Variants in H1-0 observed in about 807,000 individuals in gnomAD.
H1-0 encodes the protein H1.0 linker histone, also known as histone H1.0.
H1-0 carries 5 observed loss-of-function variants against 8.8 expected under a neutral mutation model. The ratio of observed to expected loss-of-function variants is 0.57; its 90% CI spans 0.30 to 1.19. The LOEUF (loss-of-function observed/expected upper bound fraction) is 1.19. H1-0 is among the 50% of genes most tolerant of loss of function. The probability of loss-of-function intolerance (pLI) is 0.08; values close to 1 mark genes in which losing one functional copy is unlikely to be tolerated. For synonymous variants in H1-0, 143 were observed against 101.4 expected (o/e 1.41, Z -2.46); for missense variants, 231 against 242.0 (o/e 0.95, Z 0.30).
In H1-0 at chr22:37,806,950, A is replaced by G. The variant is rs1336576505; in HGVS notation, c.*821A>G. On this transcript the variant is annotated 3_prime_UTR_variant, in exon 1 of 1. Coordinates refer to ENST00000340857, the MANE Select transcript of H1-0 (RefSeq NM_005318.4). ...GTTGAAACTTAGGTTTTTCCACGCA[A>G]TCGATGGATTGTGTCCTAGGAAGAC... is the stretch of plus-strand genomic sequence containing the variant. 6.0e-6 allele frequency: 1 copy of G among 167,032 alleles called. No homozygotes were observed. The highest frequency in any genetic ancestry group is 2.4e-5 in the African/African-American group (1 of 41,432). 10.3% of individuals were successfully genotyped at this position (167,032 alleles called of 1,614,324 possible).
Position 37,806,371 on chromosome 22 carries a change from A to C in H1-0, c.*242A>C. The C allele has an allele frequency of 1.2e-5, 6 of 501,446 alleles. No individual in the cohort carries two copies. The highest frequency in any genetic ancestry group is 3.5e-5 in the East Asian group (1 of 28,392). The allele number at this position is 501,446 out of a possible 1,614,324, so 31.1% of individuals were successfully genotyped here. Reference sequence around the variant, plus strand: ...GTACTTATATTTTGTTTTGCTATTAACCTACTTACGGGGTTAGGGATTTGC... The same window carrying C: ...GTACTTATATTTTGTTTTGCTATTACCCTACTTACGGGGTTAGGGATTTGC... On this transcript the variant is annotated 3_prime_UTR_variant, in exon 1 of 1. Transcript: ENST00000340857.
rs1920976799 is a variant in H1-0 at position 37,805,409 on chromosome 22, A to G, written c.-136A>G. The G allele has an allele frequency of 6.4e-6, 4 of 623,554 alleles. No individual in the cohort carries two copies. Among genetic ancestry groups the G allele is most frequent in the South Asian group, 2.0e-5 (1 of 49,104 alleles). 38.6% of individuals were successfully genotyped at this position (623,554 alleles called of 1,614,324 possible). A position where few individuals can be genotyped will look rare whatever the true frequency, so the allele number is the denominator to read the frequency against. ...GGAAAAGCAGCGACTCCTCGCTCGC[A>G]TCCCCGGGAGCCGCACTCCAGACTG... On this transcript the variant is annotated 5_prime_UTR_variant, in exon 1 of 1. Coordinates refer to ENST00000340857, the MANE Select transcript of H1-0 (RefSeq NM_005318.4).
Position 37,805,854 on chromosome 22 carries a change from T to G in H1-0, c.310T>G (p.Ser104Ala). The G allele has an allele frequency of 1.9e-6, 3 of 1,613,714 alleles. No homozygotes were observed. The highest frequency in any genetic ancestry group is 2.5e-6 in the Non-Finnish European group (3 of 1,179,988). The change falls in exon 1 of 1, where the codon TCA (serine) becomes GCA (alanine). Residue 104 changes from serine (S) to alanine (A), a missense_variant. By Grantham distance (99) the Ser-to-Ala change is moderately conservative. Coordinates refer to ENST00000340857, the MANE Select transcript of H1-0 (RefSeq NM_005318.4). ...RLAKSDEPKK[S>A]VAFKKTKKEI... ...AGCCAAGAGCGACGAACCCAAGAAG[T>G]CAGTGGCCTTCAAGAAGACCAAGAA...
chr22:37,806,947 G>T lies in H1-0; in HGVS notation c.*818G>T, dbSNP rs1921020043. Reference sequence around the variant, plus strand: ...CCTGTTGAAACTTAGGTTTTTCCACGCAATCGATGGATTGTGTCCTAGGAA... The same window carrying T: ...CCTGTTGAAACTTAGGTTTTTCCACTCAATCGATGGATTGTGTCCTAGGAA... On this transcript the variant is annotated 3_prime_UTR_variant, in exon 1 of 1. Coordinates refer to ENST00000340857, the MANE Select transcript of H1-0 (RefSeq NM_005318.4). 6.0e-6 allele frequency: 1 copy of T among 167,072 alleles called. No individual in the cohort carries two copies. The highest frequency in any genetic ancestry group is 2.4e-5 in the African/African-American group (1 of 41,422). The allele number at this position is 167,072 out of a possible 1,614,324, so 10.3% of individuals were successfully genotyped here.
chr22:37,805,348 C>T lies in H1-0; in HGVS notation c.-197C>T. 5 of 550,522 alleles carry T rather than the reference C, an allele frequency of 9.1e-6. No homozygotes were observed. Among genetic ancestry groups the T allele is most frequent in the Non-Finnish European group, 1.6e-5 (5 of 311,898 alleles). The allele number at this position is 550,522 out of a possible 1,614,324, so 34.1% of individuals were successfully genotyped here. A position where few individuals can be genotyped will look rare whatever the true frequency, so the allele number is the denominator to read the frequency against. ...CCGGCGGGGCTGGGCCTCGCAAAGC[C>T]GGCTCGGCGAGCTCTCCCGACACCC... On this transcript the variant is annotated 5_prime_UTR_variant, in exon 1 of 1. Coordinates refer to ENST00000340857, the MANE Select transcript of H1-0 (RefSeq NM_005318.4).
In H1-0 at chr22:37,806,944, C is replaced by T. The variant is rs1466357405; in HGVS notation, c.*815C>T. On this transcript the variant is annotated 3_prime_UTR_variant, in exon 1 of 1. Coordinates refer to ENST00000340857, the MANE Select transcript of H1-0 (RefSeq NM_005318.4). ...TGCCCTGTTGAAACTTAGGTTTTTC[C>T]ACGCAATCGATGGATTGTGTCCTAG... 1 of 167,048 alleles carries T rather than the reference C, an allele frequency of 6.0e-6. No individual in the cohort carries two copies. Among genetic ancestry groups the T allele is most frequent in the Non-Finnish European group, 1.5e-5 (1 of 68,106 alleles). The allele number at this position is 167,048 out of a possible 1,614,324, so 10.3% of individuals were successfully genotyped here. A position where few individuals can be genotyped will look rare whatever the true frequency, so the allele number is the denominator to read the frequency against.
Position 37,805,758 on chromosome 22 carries a change from A to C in H1-0, c.214A>C (p.Ile72Leu), listed in dbSNP as rs1171521150. The C allele has an allele frequency of 4.3e-6, 7 of 1,613,960 alleles. No individual in the cohort carries two copies. The highest frequency in any genetic ancestry group is 5.9e-6 in the Non-Finnish European group (7 of 1,180,000). ...CGCTGACTCGCAGATCAAGTTGTCC[A>C]TCAAGCGCCTGGTCACCACCGGTGT... The part of the protein sequence containing the change: ...ENADSQIKLS[I>L]KRLVTTGVLK... The change falls in exon 1 of 1, where the codon ATC (isoleucine) becomes CTC (leucine). Residue 72 changes from isoleucine (I) to leucine (L), a missense_variant. Transcript: ENST00000340857.
rs1256065764 is a variant in H1-0 at position 37,805,591 on chromosome 22, C to G, written c.47C>G (p.Ala16Gly). ...TSAPAAKPKR[A>G]KASKKSTDHP... is the part of the protein sequence containing the mutation. ...GCCCCTGCGGCCAAGCCCAAGCGGG[C>G]CAAGGCCTCCAAGAAGTCCACAGAC... is the stretch of plus-strand genomic sequence containing the variant. The change falls in exon 1 of 1, where the codon GCC becomes GGC. Residue 16 changes from alanine to glycine, a missense_variant. Physicochemically the swap from Ala to Gly is moderately conservative, Grantham distance 60. Transcript: ENST00000340857. 1 of 1,613,978 alleles carries G rather than the reference C, an allele frequency of 6.2e-7. No homozygotes were observed. The highest frequency in any genetic ancestry group is 8.5e-7 in the Non-Finnish European group (1 of 1,179,988).
In H1-0 at chr22:37,806,108, G is replaced by A. The variant is rs1484902664; in HGVS notation, c.564G>A (p.Lys188=). 3 of 1,609,880 alleles carry A rather than the reference G, an allele frequency of 1.9e-6. No homozygotes were observed. Among genetic ancestry groups the A allele is most frequent in the Non-Finnish European group, 2.5e-6 (3 of 1,177,892 alleles). Residue 188 remains lysine (K), a synonymous_variant, in exon 1 of 1, where the codon AAG becomes AAA. Coordinates refer to ENST00000340857, the MANE Select transcript of H1-0 (RefSeq NM_005318.4). ...AACCCAAAGCAAAGTCCAGTGCCAAGAGGGCCGGCAAGAAGAAGTGACAAT... is the reference window on the plus strand; with the variant it reads ...AACCCAAAGCAAAGTCCAGTGCCAAAAGGGCCGGCAAGAAGAAGTGACAAT... ...PVKPKAKSSA[K]RAGKKK
chr22:37,805,493 G>A lies in H1-0; in HGVS notation c.-52G>A, dbSNP rs921632869. On this transcript the variant is annotated 5_prime_UTR_variant, in exon 1 of 1. Transcript: ENST00000340857. ...AGGCAGGCTTTGCTCAGCCTCCGAC[G>A]AGGGCTGGCCCTTTGGAAGGCGCCT... 2.5e-5 allele frequency: 34 copies of A among 1,377,698 alleles called. No homozygotes were observed. The highest frequency in any genetic ancestry group is 1.8e-4 in the Middle Eastern group (1 of 5,492). 85.3% of individuals were successfully genotyped at this position (1,377,698 alleles called of 1,614,324 possible).
Position 37,805,325 on chromosome 22 carries a change from G to C in H1-0, c.-220G>C. 1.9e-6 allele frequency: 1 copy of C among 537,020 alleles called. No homozygotes were observed. Among genetic ancestry groups the C allele is most frequent in the Admixed American group, 3.5e-5 (1 of 28,612 alleles). 33.3% of individuals were successfully genotyped at this position (537,020 alleles called of 1,614,324 possible). Reference sequence around the variant, plus strand: ...CGGTGCCGAGACCAAGCGACAGACCGGCGGGGCTGGGCCTCGCAAAGCCGG... The same window carrying C: ...CGGTGCCGAGACCAAGCGACAGACCCGCGGGGCTGGGCCTCGCAAAGCCGG... On this transcript the variant is annotated 5_prime_UTR_variant, in exon 1 of 1. Transcript: ENST00000340857.
chr22:37,806,102 T>G lies in H1-0; in HGVS notation c.558T>G (p.Ser186Arg). The G allele has an allele frequency of 6.2e-7, 1 of 1,611,156 alleles. No homozygotes were observed. Among genetic ancestry groups the G allele is most frequent in the Non-Finnish European group, 8.5e-7 (1 of 1,178,456 alleles). Residue 186 changes from serine (S) to arginine (R), a missense_variant, in exon 1 of 1, where the codon AGT (serine) becomes AGG (arginine). Transcript: ENST00000340857. ...AKPVKPKAKS[S>R]AKRAGKKK ...CAGTGAAACCCAAAGCAAAGTCCAG[T>G]GCCAAGAGGGCCGGCAAGAAGAAGT... is the stretch of plus-strand genomic sequence containing the variant.
rs961683640 is a variant in H1-0, at chr22:37,807,114, G to C, written c.*985G>C. The C allele has an allele frequency of 6.0e-6, 1 of 166,950 alleles. No homozygotes were observed. Among genetic ancestry groups the C allele is most frequent in the African/African-American group, 2.4e-5 (1 of 41,406 alleles). 10.3% of individuals were successfully genotyped at this position (166,950 alleles called of 1,614,324 possible). A position where few individuals can be genotyped will look rare whatever the true frequency, so the allele number is the denominator to read the frequency against. On this transcript the variant is annotated 3_prime_UTR_variant, in exon 1 of 1. Transcript: ENST00000340857. Reference sequence around the variant, plus strand: ...GTAGTTGTAGCTGCGGGAGGGGGAGGGGGAGTGGGCGGGCAGTGGATAGTA... The same window carrying C: ...GTAGTTGTAGCTGCGGGAGGGGGAGCGGGAGTGGGCGGGCAGTGGATAGTA...
In H1-0 at chr22:37,806,647, G is replaced by A. The variant is rs1464943755; in HGVS notation, c.*518G>A. ...CAAAGGAAGGAGGGGGAAAAAAACC[G>A]CCACCGGGCTGACTTCCACCTCCCA... On this transcript the variant is annotated 3_prime_UTR_variant, in exon 1 of 1. Coordinates refer to ENST00000340857, the MANE Select transcript of H1-0 (RefSeq NM_005318.4). 1.8e-5 allele frequency: 3 copies of A among 171,426 alleles called. No homozygotes were observed. Among genetic ancestry groups the A allele is most frequent in the Non-Finnish European group, 1.4e-5 (1 of 70,832 alleles). The allele number at this position is 171,426 out of a possible 1,614,324, so 10.6% of individuals were successfully genotyped here.
chr22:37,806,975 CTTT>C lies in H1-0; in HGVS notation c.*848_*850del, dbSNP rs764824828. The C allele has an allele frequency of 6.0e-6, 1 of 167,044 alleles. No individual in the cohort carries two copies. Among genetic ancestry groups the C allele is most frequent in the Non-Finnish European group, 1.5e-5 (1 of 68,130 alleles). The allele number at this position is 167,044 out of a possible 1,614,324, so 10.3% of individuals were successfully genotyped here. Reference sequence around the variant, plus strand: ...ATCGATGGATTGTGTCCTAGGAAGACTTTTCTTTTCCTCTGGATTTTTGTTCCT... The same window carrying C: ...ATCGATGGATTGTGTCCTAGGAAGACTCTTTTCCTCTGGATTTTTGTTCCT... On this transcript the variant is annotated 3_prime_UTR_variant, in exon 1 of 1. Coordinates refer to ENST00000340857, the MANE Select transcript of H1-0 (RefSeq NM_005318.4).
At position 37,805,420 on chromosome 22, in the gene H1-0, C is replaced by G; in HGVS notation, c.-125C>G. ...GACTCCTCGCTCGCATCCCCGGGAG[C>G]CGCACTCCAGACTGGCCCGGTAGTC... On this transcript the variant is annotated 5_prime_UTR_variant, in exon 1 of 1. Coordinates refer to ENST00000340857, the MANE Select transcript of H1-0 (RefSeq NM_005318.4). 1.5e-6 allele frequency: 1 copy of G among 661,180 alleles called. No individual in the cohort carries two copies. Among genetic ancestry groups the G allele is most frequent in the East Asian group, 2.9e-5 (1 of 34,810 alleles). The allele number at this position is 661,180 out of a possible 1,614,324, so 41.0% of individuals were successfully genotyped here.
chr22:37,805,877 G>A lies in H1-0; in HGVS notation c.333G>A (p.Lys111=), dbSNP rs749398063. The A allele has an allele frequency of 3.1e-6, 5 of 1,614,006 alleles. 1 individual carries two copies. The South Asian group carries it at 4.4e-5, about 14-fold the overall frequency. The change falls in exon 1 of 1, where the codon AAG becomes AAA. Residue 111 remains lysine (K), a synonymous_variant. Coordinates refer to ENST00000340857, the MANE Select transcript of H1-0 (RefSeq NM_005318.4). ...PKKSVAFKKT[K]KEIKKVATPK... The stretch of plus-strand genomic sequence containing the variant: ...AGTCAGTGGCCTTCAAGAAGACCAA[G>A]AAGGAAATCAAGAAGGTAGCCACGC...
In H1-0 at chr22:37,806,318, C is replaced by G. The variant is rs1920995197; in HGVS notation, c.*189C>G. On this transcript the variant is annotated 3_prime_UTR_variant, in exon 1 of 1. Transcript: ENST00000340857. Reference sequence around the variant, plus strand: ...TTTTCCTTAACCAGTTGTGCAAGGACAGCAACAACCAATCTAATGATGAGA... The same window carrying G: ...TTTTCCTTAACCAGTTGTGCAAGGAGAGCAACAACCAATCTAATGATGAGA... 1.6e-6 allele frequency: 1 copy of G among 606,208 alleles called. No individual in the cohort carries two copies. Among genetic ancestry groups the G allele is most frequent in the African/African-American group, 1.9e-5 (1 of 53,858 alleles). The allele number at this position is 606,208 out of a possible 1,614,324, so 37.6% of individuals were successfully genotyped here.
At position 37,806,192 on chromosome 22, in the gene H1-0, C is replaced by A. The variant is rs1038531381; in HGVS notation, c.*63C>A. On this transcript the variant is annotated 3_prime_UTR_variant, in exon 1 of 1. Transcript: ENST00000340857. ...CCTATTTTCTGTAAATAATTTTCTC[C>A]TTTTTTCTCTCTTGATGCTCACCAC... 2.3e-6 allele frequency: 3 copies of A among 1,313,564 alleles called. No homozygotes were observed. The highest frequency in any genetic ancestry group is 2.9e-5 in the South Asian group (2 of 69,914). The allele number at this position is 1,313,564 out of a possible 1,614,324, so 81.4% of individuals were successfully genotyped here.
Sources: allele counts gnomAD v4.1 joint callset, GRCh38; gene constraint gnomAD v4.1.1; transcripts MANE v1.5; gene names NCBI Gene and HGNC (gene_info 2026-07-23, HGNC 2026-07-21).